MBOAT1: variants seen among roughly 807,000 people sequenced by gnomAD.
MBOAT1 encodes membrane bound glycerophospholipid O-acyltransferase 1.
A neutral mutation model predicts 64.4 loss-of-function variants in MBOAT1; 67 were observed. That is an observed-to-expected ratio of 1.04 (90% CI 0.85 to 1.27). MBOAT1 has a LOEUF of 1.27. MBOAT1 is among the 50% of genes most tolerant of loss of function. The pLI is 0.00. For missense variants in MBOAT1, 563 were observed against 604.6 expected, an observed-to-expected ratio of 0.93 and a Z score of 0.72; for synonymous variants, 229 against 218.9, an observed-to-expected ratio of 1.05 and a Z score of -0.41.
At position 20,136,482 on chromosome 6, in the gene MBOAT1, C is replaced by A. The variant is rs148530833; in HGVS notation, c.420-5283G>T. ...AAAAAGAAACATGAAATAAACAAAT[C>A]TTGAAATCTCTTTGCAAATATCCTC... On this transcript the variant is annotated intron_variant, in intron 4 of 12. Transcript: ENST00000324607. Among the ~76,000 whole-genome samples, 791 of 152,270 alleles carry A rather than the reference C, an allele frequency of 5.2e-3. 7 individuals are homozygous for A. The highest frequency in any genetic ancestry group is 0.018 in the African/African-American group (757 of 41,552).
At chr6:20,168,578 A>AG (rs1762087293) in intron 1 of MBOAT1, among the ~76,000 whole-genome samples, 2 of 106,214 alleles carry the variant, frequency 1.9e-5, no homozygotes, top group African/African-American at 7.5e-5. Context: ...AGAGAGAGAG[A>AG]AAGAGAGAGA....
intron 8 of MBOAT1, among the ~76,000 whole-genome samples, chr6:20,120,006 C>CGTGTGTGTGTGTGT (rs10630791): frequency 6.6e-6 from 1 of 150,628 alleles, no homozygotes; most frequent in South Asian, 2.1e-4. Flanking sequence ...TGTGTGTGTG[C>CGTGTGTGTGTGTGT]GTGTGTGTGT....
chr6:20,168,707 G>A (rs1268568062), intron 1 of MBOAT1, among the ~76,000 whole-genome samples: 3 of 135,344 alleles, frequency 2.2e-5, no homozygotes, highest in Non-Finnish European at 4.8e-5. Flanking sequence ...GAGGAGAGGA[G>A]GGGAGGAGAG....
intron 1 of MBOAT1, among the ~76,000 whole-genome samples, chr6:20,165,100 G>A (rs1384758373): frequency 6.6e-6 from 1 of 152,068 alleles, no homozygotes; most frequent in African/African-American, 2.4e-5. Flanking sequence ...TAACTCCATC[G>A]TCAGTTGAGG....
intron 1 of MBOAT1, among the ~76,000 whole-genome samples, chr6:20,157,071 C>G (rs1256873240): frequency 6.6e-6 from 1 of 152,052 alleles, no homozygotes; most frequent in Non-Finnish European, 1.5e-5. Context: ...CTGCTTGACA[C>G]CAGGAGTTTG....
intron 8 of MBOAT1, among the ~76,000 whole-genome samples, chr6:20,121,857 G>C (rs933170296): frequency 4.6e-5 from 7 of 152,072 alleles, no homozygotes; most frequent in African/African-American, 1.7e-4. Flanking sequence ...ACTCAGATTA[G>C]AGGAAATTAA....
At position 20,124,468 on chromosome 6, in the gene MBOAT1, A is replaced by G. The variant is rs754871201; in HGVS notation, c.847T>C (p.Cys283Arg). Residue 283 changes from cysteine (C) to arginine (R), a missense_variant, in exon 8 of 13, where the codon TGC (cysteine) becomes CGC (arginine). Transcript: ENST00000324607. ...GCTTGCATGACAACATATAAGTAGCAGAGTCGAGCCGGAAAGCTTGCTTTA... is the reference window on the plus strand; with the variant it reads ...GCTTGCATGACAACATATAAGTAGCGGAGTCGAGCCGGAAAGCTTGCTTTA... ...VHKASFPARLCYLYVVMQASK... is the reference protein window; with the variant it reads ...VHKASFPARLRYLYVVMQASK... The G allele has an allele frequency of 1.2e-6, 2 of 1,614,222 alleles. No individual in the cohort carries two copies. The highest frequency in any genetic ancestry group is 1.7e-6 in the Non-Finnish European group (2 of 1,180,036).
intron 1 of MBOAT1, among the ~76,000 whole-genome samples, chr6:20,193,182 A>G (rs1459458871): frequency 6.7e-6 from 1 of 150,104 alleles, no homozygotes; most frequent in Non-Finnish European, 1.5e-5. Flanking sequence ...ATTTTTTTGT[A>G]TTTTTAGTAG....
intron 1 of MBOAT1, among the ~76,000 whole-genome samples, chr6:20,190,719 T>C (rs9465648): frequency 0.09 from 13,606 of 151,650 alleles, 1,056 homozygotes; most frequent in East Asian, 0.23. Context: ...ACTTACTTAT[T>C]TGTCAATTAA....
intron 4 of MBOAT1, among the ~76,000 whole-genome samples, chr6:20,139,392 C>T (rs888044061): frequency 1.3e-5 from 2 of 152,028 alleles, no homozygotes; most frequent in African/African-American, 4.8e-5. Context: ...CTGTGAGCAA[C>T]GGTGCCCCGC....
rs545314317 is a variant in MBOAT1 at position 20,118,654 on chromosome 6, T to G, written c.908-114A>C. On this transcript the variant is annotated intron_variant, in intron 8 of 12. Transcript: ENST00000324607. ...ATGGAGAAATATGCAGTAGTGTCTT[T>G]GGAAAAGGAACCCCAAAATGTAAAG... 6.3e-4 allele frequency: 492 copies of G among 777,488 alleles called. 3 individuals are homozygous for G. The Middle Eastern group carries it at 0.016, about 26-fold the overall frequency. 48.2% of individuals were successfully genotyped at this position (777,488 alleles called of 1,614,324 possible).
rs1561773356 is a variant in MBOAT1, at chr6:20,168,631, GAGAA to G, written c.100-15866_100-15863del. On this transcript the variant is annotated intron_variant, in intron 1 of 12. Coordinates refer to ENST00000324607, the MANE Select transcript of MBOAT1 (RefSeq NM_001080480.3). ...GAGAAGAGAAGAGAAGAGAAGAGAA[GAGAA>G]GAGAAGAGAGGAGAGGAGAGGGAAA... Among the ~76,000 whole-genome samples, 15 of 130,578 alleles carry G rather than the reference GAGAA, an allele frequency of 1.1e-4. No homozygotes were observed. In the East Asian group the frequency reaches 1.3e-3, roughly 11 times the overall value. 85.7% of individuals were successfully genotyped at this position (130,578 alleles called of 152,430 possible).
At chr6:20,126,109 G>A (rs1231492467) in intron 7 of MBOAT1, among the ~76,000 whole-genome samples, 2 of 152,270 alleles carry the variant, frequency 1.3e-5, no homozygotes, top group East Asian at 3.9e-4. Flanking sequence ...TGCAATAAGT[G>A]AGCTCTACAA....
At chr6:20,111,612 T>C in intron 11 of MBOAT1, among the ~76,000 whole-genome samples, 1 of 151,898 alleles carries the variant, frequency 6.6e-6, no homozygotes, top group East Asian at 1.9e-4. Flanking sequence ...CTGGATATGT[T>C]AGCAAACAGA....
chr6:20,169,528 A>G (rs768672241), intron 1 of MBOAT1, among the ~76,000 whole-genome samples: 7 of 151,920 alleles, frequency 4.6e-5, no homozygotes, highest in Non-Finnish European at 8.8e-5. Context: ...TTATGTAATC[A>G]CCTTCTCCAA....
intron 1 of MBOAT1, 125 bp downstream of exon 1, chr6:20,212,009 CCA>C: frequency 4.4e-6 from 3 of 680,926 alleles, no homozygotes; most frequent in Non-Finnish European, 7.3e-6. Flanking sequence ...CACACAAAAA[CCA>C]ACTGTCTAGT....
At chr6:20,119,537 A>G (rs1249907406) in intron 8 of MBOAT1, among the ~76,000 whole-genome samples, 1 of 152,210 alleles carries the variant, frequency 6.6e-6, no homozygotes, top group African/African-American at 2.4e-5. Flanking sequence ...ATGGCCTTTG[A>G]AGAGCTGCTC....
chr6:20,203,764 A>G (rs925790761), intron 1 of MBOAT1, among the ~76,000 whole-genome samples: 6 of 151,664 alleles, frequency 4.0e-5, no homozygotes, highest in Non-Finnish European at 1.5e-5. Context: ...TGATGCCAGG[A>G]GCTATATAAA....
intron 1 of MBOAT1, among the ~76,000 whole-genome samples, chr6:20,173,974 A>T (rs1272206591): frequency 6.6e-6 from 1 of 152,178 alleles, no homozygotes; most frequent in African/African-American, 2.4e-5. Flanking sequence ...GAAAGGAGAA[A>T]GACAAACATG....
Sources: allele counts gnomAD v4.1 joint callset (sites outside exome capture counted in the v4.1 genomes callset), GRCh38; gene constraint gnomAD v4.1.1; transcripts MANE v1.5; gene names NCBI Gene and HGNC (gene_info 2026-07-23, HGNC 2026-07-21).